SERINC5: variants seen among roughly 807,000 people sequenced by gnomAD.
The protein encoded by SERINC5 is chromosome 5 open reading frame 12.
In SERINC5, 41 loss-of-function variants were observed where a neutral mutation model predicts 63.1. The observed-to-expected ratio is 0.65, with a 90% CI of 0.51 to 0.84. SERINC5 has a LOEUF of 0.84. Ranked by LOEUF, SERINC5 falls within the 40% of genes least tolerant of loss-of-function variation. SERINC5 has a pLI of 0.00. For missense variants in SERINC5, 523 were observed against 573.0 expected (o/e 0.91, Z 0.89); for synonymous variants, 222 against 215.2 (o/e 1.03, Z -0.28).
intron 1 of SERINC5, among the ~76,000 whole-genome samples, chr5:80,213,245 C>CAAAAAAAAAA (rs57289084): frequency 3.8e-5 from 5 of 132,652 alleles, no homozygotes; most frequent in Non-Finnish European, 4.7e-5. Flanking sequence ...GACTGCATCT[C>CAAAAAAAAAA]AAAGAAAGAA....
chr5:80,196,561 A>G (rs1402709849), intron 2 of SERINC5, among the ~76,000 whole-genome samples: 2 of 152,246 alleles, frequency 1.3e-5, no homozygotes, highest in African/African-American at 4.8e-5. Flanking sequence ...ACATATGTCC[A>G]TACAAAAATC....
At chr5:80,202,451 G>C (rs1045293941) in intron 2 of SERINC5, among the ~76,000 whole-genome samples, 1 of 152,054 alleles carries the variant, frequency 6.6e-6, no homozygotes, top group East Asian at 1.9e-4. Context: ...TGGAGACTCA[G>C]GGGCTGTGGG....
rs190851041 is a variant in SERINC5, at chr5:80,141,063, G to A, written c.*2600C>T. 2.0e-4 allele frequency: 200 copies of A among 985,368 alleles called. No individual in the cohort carries two copies. In the Middle Eastern group the frequency reaches 3.7e-3, roughly 18 times the overall value. 61.0% of individuals were successfully genotyped at this position (985,368 alleles called of 1,614,324 possible). On this transcript the variant is annotated 3_prime_UTR_variant, in exon 12 of 12. Transcript: ENST00000507668. ...CTGTAGATTCTTTAAATCCAGGAAT[G>A]TTGACTCCTCACCTGAGTATTGTAT...
chr5:80,161,044 A>ACGTG (rs1746885967), intron 7 of SERINC5, among the ~76,000 whole-genome samples: 3 of 135,362 alleles, frequency 2.2e-5, no homozygotes, highest in Non-Finnish European at 3.1e-5. Context: ...GTGTATATAT[A>ACGTG]TATATGTATG....
intron 1 of SERINC5, among the ~76,000 whole-genome samples, chr5:80,238,346 T>C (rs1224898912): frequency 1.3e-5 from 2 of 152,160 alleles, no homozygotes; most frequent in Non-Finnish European, 2.9e-5. Context: ...AGTACACTCT[T>C]AGAAACCGCT....
intron 11 of SERINC5, chr5:80,114,550 A>T (rs755721735): frequency 1.6e-5 from 3 of 181,824 alleles, no homozygotes; most frequent in Non-Finnish European, 2.4e-5. Context: ...GCTACTTGGG[A>T]GGCTGAGGCA....
At chr5:80,227,930 T>C (rs1751241834) in intron 1 of SERINC5, among the ~76,000 whole-genome samples, 1 of 151,556 alleles carries the variant, frequency 6.6e-6, no homozygotes. Context: ...TGGTTAAAAG[T>C]ACAGACACTT....
intron 1 of SERINC5, among the ~76,000 whole-genome samples, chr5:80,224,345 C>T (rs1332055009): frequency 6.6e-6 from 1 of 151,878 alleles, no homozygotes. Flanking sequence ...GGCTTGGTGG[C>T]ACACGACTAT....
chr5:80,132,970 G>A (rs1186437895), intron 11 of SERINC5, among the ~76,000 whole-genome samples: 1 of 152,198 alleles, frequency 6.6e-6, no homozygotes, highest in Non-Finnish European at 1.5e-5. Flanking sequence ...CAAATCTCAT[G>A]TTGAAATGTA....
chr5:80,156,203 T>C (rs1442862974), intron 8 of SERINC5, among the ~76,000 whole-genome samples: 1 of 152,192 alleles, frequency 6.6e-6, no homozygotes, highest in Non-Finnish European at 1.5e-5. Context: ...ATCCTAGATA[T>C]TCCTGCAATT....
downstream of SERINC5, among the ~76,000 whole-genome samples, chr5:80,134,269 T>A (rs946388511): frequency 1.3e-5 from 2 of 152,152 alleles, no homozygotes; most frequent in African/African-American, 4.8e-5. Context: ...GCAGATCATT[T>A]GAGATCAGGA....
chr5:80,182,947 T>C (rs1362150344), intron 2 of SERINC5, among the ~76,000 whole-genome samples: 1 of 152,168 alleles, frequency 6.6e-6, no homozygotes, highest in Non-Finnish European at 1.5e-5. Context: ...GGAAGCCATT[T>C]TTCCCTTCTC....
In SERINC5 at chr5:80,177,395, A is replaced by C; in HGVS notation, c.377T>G (p.Phe126Cys). ...KSCRAHIHNG[F>C]WFFKLLLLGA... ...CAACAGCAGAAGTTTAAAGAACCAA[A>C]AGCTAGAAGTGGGGGGAAAAAAAAG... The change falls in exon 4 of 12, where the codon TTT becomes TGT. Residue 126 changes from phenylalanine (F) to cysteine (C), a missense_variant and splice_region_variant. Physicochemically the swap from Phe to Cys is radical, Grantham distance 205 (BLOSUM62 -2). Coordinates refer to ENST00000507668, the MANE Select transcript of SERINC5 (RefSeq NM_001174072.3). 6.2e-7 allele frequency: 1 copy of C among 1,612,614 alleles called. No homozygotes were observed. The highest frequency in any genetic ancestry group is 1.1e-5 in the South Asian group (1 of 91,020).
chr5:80,134,562 GT>G (rs1405748310), downstream of SERINC5, among the ~76,000 whole-genome samples: 1 of 152,166 alleles, frequency 6.6e-6, no homozygotes, highest in Non-Finnish European at 1.5e-5. Context: ...TCCAAAATTA[GT>G]TCAGCCTACA....
chr5:80,211,032 T>C (rs1405922096), intron 1 of SERINC5, among the ~76,000 whole-genome samples: 1 of 152,174 alleles, frequency 6.6e-6, no homozygotes, highest in Non-Finnish European at 1.5e-5. Flanking sequence ...CACACTCCTG[T>C]CAACCCTGCA....
chr5:80,132,489 A>C (rs751871315), intron 11 of SERINC5, among the ~76,000 whole-genome samples: 9 of 152,028 alleles, frequency 5.9e-5, no homozygotes, highest in Non-Finnish European at 1.2e-4. Flanking sequence ...TCTGCTTGTA[A>C]CCACCCCAAC....
chr5:80,189,647 C>T (rs1749057488), intron 2 of SERINC5, among the ~76,000 whole-genome samples: 1 of 152,180 alleles, frequency 6.6e-6, no homozygotes, highest in South Asian at 2.1e-4. Flanking sequence ...TCTTTCTATT[C>T]TAACCATTTA....
intron 9 of SERINC5, among the ~76,000 whole-genome samples, chr5:80,150,028 T>C (rs1383764981): frequency 1.3e-5 from 2 of 152,222 alleles, no homozygotes; most frequent in African/African-American, 2.4e-5. Context: ...GTATGTATTG[T>C]CCATAACACT....
intron 1 of SERINC5, among the ~76,000 whole-genome samples, chr5:80,205,881 G>A (rs550324724): frequency 6.6e-6 from 1 of 150,378 alleles, no homozygotes; most frequent in East Asian, 2.0e-4. Flanking sequence ...TGACCATCCT[G>A]GCCAACATGG....
Sources: allele counts gnomAD v4.1 joint callset (sites outside exome capture counted in the v4.1 genomes callset), GRCh38; gene constraint gnomAD v4.1.1; transcripts MANE v1.5; gene names NCBI Gene and HGNC (gene_info 2026-07-23, HGNC 2026-07-21).